FILIP1: variants seen among roughly 807,000 people sequenced by gnomAD.
FILIP1 encodes filamin-A-interacting protein 1.
A neutral mutation model predicts 102.1 loss-of-function variants in FILIP1; 61 were observed. That is an observed-to-expected ratio of 0.60 (90% CI 0.49 to 0.74). The LOEUF is 0.74. Ranked by LOEUF, FILIP1 falls within the 30% of genes least tolerant of loss-of-function variation. FILIP1 has a pLI of 0.00. For missense variants in FILIP1, 1,314 were observed against 1,441.2 expected, an observed-to-expected ratio of 0.91 and a Z score of 1.43; for synonymous variants, 491 against 526.9, an observed-to-expected ratio of 0.93 and a Z score of 0.93.
At chr6:75,457,642 C>T (rs1006825397) in intron 1 of FILIP1, among the ~76,000 whole-genome samples, 3 of 151,688 alleles carry the variant, frequency 2.0e-5, no homozygotes, top group Middle Eastern at 3.4e-3. Flanking sequence ...CTCTCTCTCT[C>T]TCTCTCGTTT....
intron 2 of FILIP1, among the ~76,000 whole-genome samples, chr6:75,370,543 A>G (rs1036814816): frequency 9.9e-5 from 11 of 110,890 alleles, no homozygotes; most frequent in Admixed American, 8.7e-4. Context: ...CATCTGATAT[A>G]TTTGTCTGTA....
At chr6:75,366,137 CT>C (rs1775324371) in intron 2 of FILIP1, 1 of 152,170 alleles carries the variant, frequency 6.6e-6, no homozygotes, top group African/African-American at 2.4e-5. Flanking sequence ...GTTTTCCCAC[CT>C]AATATTTATT....
Position 75,436,286 on chromosome 6 carries a change from C to T in FILIP1, c.-6-21308G>A, listed in dbSNP as rs115535143. Among the ~76,000 whole-genome samples the T allele has an allele frequency of 8.0e-3, 1,221 of 151,876 alleles. 19 individuals carry two copies. The highest frequency in any genetic ancestry group is 0.028 in the African/African-American group (1,144 of 41,420). Reference sequence around the variant, plus strand: ...ACTTGGGAGGCTGAGGGGAGGATCACTTTAGCCTGGGAGGCCAAGGTTGCA... The same window carrying T: ...ACTTGGGAGGCTGAGGGGAGGATCATTTTAGCCTGGGAGGCCAAGGTTGCA... On this transcript the variant is annotated intron_variant, in intron 1 of 5. Coordinates refer to ENST00000237172, the MANE Select transcript of FILIP1 (RefSeq NM_015687.5).
chr6:75,412,112 T>A (rs1313603060), intron 2 of FILIP1, among the ~76,000 whole-genome samples: 2 of 152,228 alleles, frequency 1.3e-5, no homozygotes, highest in Non-Finnish European at 2.9e-5. Context: ...TTTGTAGTTC[T>A]CCTTGAAGAG....
chr6:75,320,107 CTGCCTACCTCTGTTAA>C (rs2149561419), intron 4 of FILIP1: 1 of 188,578 alleles, frequency 5.3e-6, no homozygotes, highest in East Asian at 1.3e-4. Flanking sequence ...TTTTTAATGT[CTGCCTACCTCTGTTAA>C]TGCAAATTCC....
intron 3 of FILIP1, among the ~76,000 whole-genome samples, chr6:75,359,850 AT>A (rs1562499233): frequency 6.6e-6 from 1 of 152,186 alleles, no homozygotes; most frequent in Non-Finnish European, 1.5e-5. Flanking sequence ...CTCTAAAGCG[AT>A]GGGCTTCCTA....
intron 4 of FILIP1, among the ~76,000 whole-genome samples, chr6:75,339,872 T>C (rs1443322050): frequency 1.3e-5 from 2 of 151,992 alleles, no homozygotes; most frequent in Non-Finnish European, 1.5e-5. Flanking sequence ...CGCTTGAACC[T>C]GGGAGGCAGA....
At chr6:75,465,565 A>C in intron 1 of FILIP1, 1 of 496,252 alleles carries the variant, frequency 2.0e-6, no homozygotes, top group Admixed American at 3.7e-5. Flanking sequence ...ACAGTTTCAC[A>C]GCAATTAAAA....
downstream of FILIP1, chr6:75,308,020 CTT>C: frequency 1.0e-6 from 1 of 984,640 alleles, no homozygotes; most frequent in Non-Finnish European, 1.2e-6. Context: ...TTCTGGGAAT[CTT>C]ATGGAGGAGC....
intron 2 of FILIP1, among the ~76,000 whole-genome samples, chr6:75,407,477 C>T (rs991988004): frequency 3.9e-5 from 6 of 152,180 alleles, no homozygotes; most frequent in East Asian, 1.9e-4. Context: ...CCGCCCACCT[C>T]GGCCTCCCAT....
At chr6:75,339,612 C>T (rs770442477) in intron 4 of FILIP1, among the ~76,000 whole-genome samples, 30 of 152,094 alleles carry the variant, frequency 2.0e-4, no homozygotes, top group Non-Finnish European at 4.0e-4. Context: ...ACAGATTATT[C>T]GAATAAGTAA....
At chr6:75,441,858 G>A (rs1778259179) in intron 1 of FILIP1, among the ~76,000 whole-genome samples, 1 of 146,622 alleles carries the variant, frequency 6.8e-6, no homozygotes, top group Non-Finnish European at 1.5e-5. Flanking sequence ...CCTCCCTCCC[G>A]GACGGGGCAG....
At chr6:75,426,290 C>CA (rs1777623935) in intron 1 of FILIP1, among the ~76,000 whole-genome samples, 1 of 151,916 alleles carries the variant, frequency 6.6e-6, no homozygotes, top group South Asian at 2.1e-4. Context: ...CCAGATAAAC[C>CA]AAAAGAGGAC....
intron 4 of FILIP1, among the ~76,000 whole-genome samples, chr6:75,349,705 GC>G (rs1157862639): frequency 2.0e-5 from 3 of 152,180 alleles, no homozygotes; most frequent in Non-Finnish European, 4.4e-5. Context: ...AGCTTCCCCT[GC>G]AGGTGCTGTG....
chr6:75,415,032 T>G lies in FILIP1; in HGVS notation c.-6-54A>C, dbSNP rs561918473. ...ATGTTCTTTACCACCATCAAAATTA[T>G]TTTTGCCTAAATACTTAGAAACTTA... is the stretch of plus-strand genomic sequence containing the variant. On this transcript the variant is annotated intron_variant, in intron 1 of 5. Transcript: ENST00000237172. 1.6e-4 allele frequency: 247 copies of G among 1,527,130 alleles called. 1 individual carries two copies. In the Middle Eastern group the frequency reaches 4.0e-3, roughly 25 times the overall value. The allele number at this position is 1,527,130 out of a possible 1,614,324, so 94.6% of individuals were successfully genotyped here.
intron 4 of FILIP1, among the ~76,000 whole-genome samples, chr6:75,329,393 G>T (rs1272661032): frequency 6.6e-6 from 1 of 152,138 alleles, no homozygotes; most frequent in Non-Finnish European, 1.5e-5. Flanking sequence ...TTAAGATTTT[G>T]TCACTTGTCC....
At chr6:75,332,383 T>A (rs1371654554) in intron 4 of FILIP1, among the ~76,000 whole-genome samples, 1 of 152,156 alleles carries the variant, frequency 6.6e-6, no homozygotes. Flanking sequence ...ATCAGCCAGG[T>A]GAATGAATTT....
Position 75,362,818 on chromosome 6 carries a change from C to A in FILIP1, c.376G>T (p.Val126Phe), listed in dbSNP as rs745415665. 16 of 1,613,984 alleles carry A rather than the reference C, an allele frequency of 9.9e-6. No individual in the cohort carries two copies. The highest frequency in any genetic ancestry group is 1.6e-4 in the Middle Eastern group (1 of 6,062). Residue 126 changes from valine to phenylalanine, a missense_variant, in exon 3 of 6, where the codon GTC (valine) becomes TTC (phenylalanine). Physicochemically the swap from Val to Phe is conservative, Grantham distance 50. Around this residue, in one of 3 missense-constraint regions of FILIP1, gnomAD observed 494 missense variants for 511.2 expected, o/e 0.97. Transcript: ENST00000237172. ...GCAAGAATGGCATCTCGGTGCAGGA[C>A]CCGCAGCACTTTCTCTGGCTCCGCA... is the stretch of plus-strand genomic sequence containing the variant. ...GSAEPEKVLRVLHRDAILAQE... is the reference protein window; with the variant it reads ...GSAEPEKVLRFLHRDAILAQE...
At chr6:75,378,213 T>C (rs1775803572) in intron 2 of FILIP1, among the ~76,000 whole-genome samples, 1 of 67,420 alleles carries the variant, frequency 1.5e-5, no homozygotes, top group African/African-American at 9.5e-5. Flanking sequence ...GAAACTTACC[T>C]GACACACGTT....
Sources: allele counts gnomAD v4.1 joint callset (sites outside exome capture counted in the v4.1 genomes callset), GRCh38; gene constraint gnomAD v4.1.1; regional missense constraint gnomAD v4.1.1; transcripts MANE v1.5; gene names NCBI Gene and HGNC (gene_info 2026-07-23, HGNC 2026-07-21).